Variants in NELFB observed in about 807,000 individuals in gnomAD.
NELFB encodes negative elongation factor complex member B.
A neutral mutation model predicts 60.2 loss-of-function variants in NELFB; 34 were observed. The observed-to-expected ratio is 0.56, with a 90% CI of 0.43 to 0.75. The LOEUF is 0.75. Ranked by LOEUF, NELFB falls within the 30% of genes least tolerant of loss-of-function variation. The pLI, the probability that NELFB is intolerant of heterozygous loss-of-function variation, is 0.00. For synonymous variants in NELFB, 459 were observed against 382.1 expected, an observed-to-expected ratio of 1.20 and a Z score of -2.35; for missense variants, 770 against 831.6, an observed-to-expected ratio of 0.93 and a Z score of 0.91.
At position 137,269,384 on chromosome 9, in the gene NELFB, G is replaced by A. The variant is rs976408602; in HGVS notation, c.1489+2038G>A. Among the ~76,000 whole-genome samples the A allele has an allele frequency of 2.6e-5, 4 of 152,286 alleles. No homozygotes were observed. The highest frequency in any genetic ancestry group is 2.1e-4 in the South Asian group (1 of 4,828). ...AGGCTCTTGAGGGCATTGGGACATC[G>A]TGCTGCCGGCCGCCGGGCAGAGCCG... On this transcript the variant is annotated intron_variant, in intron 10 of 12. Transcript: ENST00000343053. This position sits in a 1 kb window ranked among gnomAD's most constrained non-coding sequence, Gnocchi z 5.3.
chr9:137,256,578 C>G (rs1837555073), intron 3 of NELFB, 150 bp downstream of exon 3: 1 of 783,248 alleles, frequency 1.3e-6, no homozygotes, highest in Admixed American at 2.5e-5. Context: ...GCTGACTTCT[C>G]CCACATGAGC....
chr9:137,262,889 A>G (rs750177204), intron 4 of NELFB, 148 bp from the exon 5 acceptor site: 24 of 747,734 alleles, frequency 3.2e-5, no homozygotes, highest in Non-Finnish European at 4.7e-5. Context: ...CTGGGGGCCA[A>G]TATTTAATGA....
chr9:137,255,756 C>A, intron 1 of NELFB, 145 bp downstream of exon 1: 1 of 1,452,210 alleles, frequency 6.9e-7, no homozygotes, highest in Non-Finnish European at 9.4e-7. Flanking sequence ...GGAGCCAGCA[C>A]CCCTTTGCTG....
intron 4 of NELFB, 122 bp downstream of exon 4, chr9:137,257,176 G>T (rs1043573710): frequency 1.2e-5 from 10 of 835,022 alleles, no homozygotes; most frequent in East Asian, 2.6e-5. Context: ...CTGCTTCTTG[G>T]CTGGGTGGTG....
intron 6 of NELFB, 126 bp downstream of exon 6, chr9:137,264,483 C>T (rs1173042802): frequency 2.1e-5 from 15 of 716,154 alleles, no homozygotes; most frequent in African/African-American, 7.1e-5. Flanking sequence ...TTGTTTTTTT[C>T]GAGACAGAGT....
chr9:137,257,492 T>C (rs2131473860), intron 4 of NELFB, among the ~76,000 whole-genome samples: 1 of 131,372 alleles, frequency 7.6e-6, no homozygotes, highest in African/African-American at 2.7e-5. Context: ...CTGGCTAATT[T>C]TTTTTCTTTT....
chr9:137,262,711 G>C (rs1830464862), intron 4 of NELFB, among the ~76,000 whole-genome samples: 1 of 152,182 alleles, frequency 6.6e-6, no homozygotes, highest in Non-Finnish European at 1.5e-5. Context: ...TGCAATTGTA[G>C]TCCCAGCTAC....
At chr9:137,267,488 A>AC (rs200275558) in intron 10 of NELFB, 142 bp downstream of exon 10, 24 of 479,424 alleles carry the variant, frequency 5.0e-5, no homozygotes, top group East Asian at 4.5e-4. Flanking sequence ...CTTTGTTTTC[A>AC]CCTTTTTTTT....
chr9:137,271,164 TC>T (rs1169952248), intron 10 of NELFB, among the ~76,000 whole-genome samples: 3 of 152,254 alleles, frequency 2.0e-5, no homozygotes, highest in Non-Finnish European at 4.4e-5. Context: ...TGCTGCTGGA[TC>T]CCCTGGTCGG....
Position 137,272,436 on chromosome 9 carries a change from C to T in NELFB, c.1632-71C>T, listed in dbSNP as rs920197846. ...TCCTGTCTCCAGGGGCCTTGGCCAC[C>T]TGCATCTGGGCTGGGCCTGGGCAGA... On this transcript the variant is annotated intron_variant, in intron 11 of 12. Coordinates refer to ENST00000343053, the MANE Select transcript of NELFB (RefSeq NM_015456.5). 20 of 1,506,490 alleles carry T rather than the reference C, an allele frequency of 1.3e-5. 1 individual carries two copies. In the Admixed American group the frequency reaches 3.2e-4, roughly 24 times the overall value. The allele number at this position is 1,506,490 out of a possible 1,614,324, so 93.3% of individuals were successfully genotyped here. A position where few individuals can be genotyped will look rare whatever the true frequency, so the allele number is the denominator to read the frequency against.
In NELFB at chr9:137,269,505, A is replaced by G. The variant is rs201623694; in HGVS notation, c.1489+2159A>G. 6.6e-6 allele frequency among the ~76,000 whole-genome samples: 1 copy of G among 152,224 alleles called. No individual in the cohort carries two copies. ...GCAGTACAGTCACGTGTCACATAAC[A>G]TTCTGTCTACCGTGGACCACATATA... is the stretch of plus-strand genomic sequence containing the variant. On this transcript the variant is annotated intron_variant, in intron 10 of 12. Transcript: ENST00000343053. This position sits in a 1 kb window ranked among gnomAD's most constrained non-coding sequence, Gnocchi z 5.3.
At chr9:137,266,050 G>C in intron 7 of NELFB, 71 bp downstream of exon 7, 1 of 1,249,244 alleles carries the variant, frequency 8.0e-7, no homozygotes, top group Non-Finnish European at 1.2e-6. Flanking sequence ...GGTGGTCAGG[G>C]TGTGGACAGC....
Position 137,257,136 on chromosome 9 carries a change from C to G in NELFB, c.741+82C>G, listed in dbSNP as rs1837567331. The G allele has an allele frequency of 5.0e-6, 6 of 1,195,102 alleles. No homozygotes were observed. In the East Asian group the frequency reaches 1.4e-4, roughly 28 times the overall value. The allele number at this position is 1,195,102 out of a possible 1,614,324, so 74.0% of individuals were successfully genotyped here. ...GCCTTCAGCTGCCTGGGGATCAGCA[C>G]TCTGCTGCCCTGTGAATGATCGGGT... On this transcript the variant is annotated intron_variant, in intron 4 of 12. Transcript: ENST00000343053.
chr9:137,272,631 G>C lies in NELFB; in HGVS notation c.1740+16G>C, dbSNP rs771718506. The C allele has an allele frequency of 5.7e-6, 9 of 1,571,416 alleles. No homozygotes were observed. Among genetic ancestry groups the C allele is most frequent in the South Asian group, 2.3e-5 (2 of 86,220 alleles). On this transcript the variant is annotated intron_variant, in intron 12 of 12. Transcript: ENST00000343053. ...TACAGGCCAGGTGGGTGCCCGGGGGGGCTGCATCTGAAGGCACCTGGTCCC... is the reference window on the plus strand; with the variant it reads ...TACAGGCCAGGTGGGTGCCCGGGGGCGCTGCATCTGAAGGCACCTGGTCCC...
chr9:137,262,544 C>T (rs944734915), intron 4 of NELFB, among the ~76,000 whole-genome samples: 1 of 152,230 alleles, frequency 6.6e-6, no homozygotes, highest in South Asian at 2.1e-4. Context: ...AGAGTAATTG[C>T]TACAAGCTAA....
At chr9:137,256,654 G>C (rs933584902) in intron 3 of NELFB, among the ~76,000 whole-genome samples, 170 bp from the exon 4 acceptor site, 1 of 152,180 alleles carries the variant, frequency 6.6e-6, no homozygotes, top group African/African-American at 2.4e-5. Flanking sequence ...AGAGCTGTTG[G>C]TATTTAGCAT....
chr9:137,272,732 C>A, intron 12 of NELFB, 50 bp from the exon 13 acceptor site: 1 of 1,521,088 alleles, frequency 6.6e-7, no homozygotes, highest in South Asian at 1.2e-5. Flanking sequence ...CCCTGTGCCC[C>A]CTGGGCCTGC....
intron 5 of NELFB, 70 bp from the exon 6 acceptor site, chr9:137,264,175 T>G: frequency 2.5e-5 from 30 of 1,177,246 alleles, no homozygotes; most frequent in Non-Finnish European, 3.2e-5. Flanking sequence ...CCTGGAGCTG[T>G]GTTTGGGGCC....
chr9:137,265,956 G>T lies in NELFB; in HGVS notation c.1120G>T (p.Val374Phe), dbSNP rs780310696. The T allele has an allele frequency of 3.1e-6, 5 of 1,612,738 alleles. No homozygotes were observed. The highest frequency in any genetic ancestry group is 4.2e-6 in the Non-Finnish European group (5 of 1,179,796). The change falls in exon 7 of 13, where the codon GTC becomes TTC. Residue 374 changes from valine to phenylalanine, a missense_variant. Val to Phe is a conservative substitution (Grantham distance 50, BLOSUM62 -1). Transcript: ENST00000343053. ...CACAGTCAGGCACCTGCAGGAGCTG[G>T]TCGGCCAGGAGACACTGCCCAGGGT...
Sources: allele counts gnomAD v4.1 joint callset (sites outside exome capture counted in the v4.1 genomes callset), GRCh38; gene constraint gnomAD v4.1.1; non-coding constraint Gnocchi (gnomAD v3.1); transcripts MANE v1.5; gene names NCBI Gene and HGNC (gene_info 2026-07-23, HGNC 2026-07-21).